Variants in SYNPR observed in about 807,000 individuals in gnomAD.
SYNPR encodes the protein synaptoporin.
A neutral mutation model predicts 32.9 loss-of-function variants in SYNPR; 23 were observed. That is an observed-to-expected ratio of 0.70 (90% CI 0.50 to 0.99). The LOEUF (loss-of-function observed/expected upper bound fraction) is 0.99. SYNPR is among the 50% of genes least tolerant of loss of function. The pLI is 0.00. For missense variants in SYNPR, 318 were observed against 349.3 expected, an observed-to-expected ratio of 0.91 and a Z score of 0.71; for synonymous variants, 146 against 135.9, an observed-to-expected ratio of 1.07 and a Z score of -0.52.
intron 2 of SYNPR, among the ~76,000 whole-genome samples, chr3:63,252,785 A>C (rs2086344672): frequency 6.6e-6 from 1 of 152,162 alleles, no homozygotes; most frequent in Admixed American, 6.5e-5. Context: ...TCATGCCTGT[A>C]ATCTTAGCAC....
intron 2 of SYNPR, 71 bp from the exon 3 acceptor site, chr3:63,480,761 C>T: frequency 6.4e-7 from 1 of 1,559,384 alleles, no homozygotes. Flanking sequence ...CATTAAGCTC[C>T]TTTTGATATA....
chr3:63,513,225 T>G (rs13066936), intron 3 of SYNPR, among the ~76,000 whole-genome samples: 32,333 of 147,568 alleles, frequency 0.22, 3,673 homozygotes, highest in Non-Finnish European at 0.25. Flanking sequence ...TTTTGTTTGT[T>G]TGTTTTATTG....
intron 2 of SYNPR, among the ~76,000 whole-genome samples, chr3:63,400,787 A>G (rs991119569): frequency 2.0e-5 from 3 of 152,236 alleles, no homozygotes; most frequent in African/African-American, 7.2e-5. Flanking sequence ...TAACTCATCA[A>G]ATTGAACAAA....
chr3:63,388,647 T>G (rs976972811), intron 2 of SYNPR, among the ~76,000 whole-genome samples: 2 of 151,350 alleles, frequency 1.3e-5, no homozygotes, highest in African/African-American at 4.9e-5. Context: ...GTCTTGATCT[T>G]CTGACTTCAT....
At chr3:63,314,564 T>G (rs1210623971) in intron 2 of SYNPR, among the ~76,000 whole-genome samples, 1 of 152,096 alleles carries the variant, frequency 6.6e-6, no homozygotes, top group East Asian at 1.9e-4. Context: ...GCCCACTTTT[T>G]GATGGGATTG....
At chr3:63,491,969 A>C (rs1357108677) in intron 3 of SYNPR, among the ~76,000 whole-genome samples, 1 of 152,128 alleles carries the variant, frequency 6.6e-6, no homozygotes, top group Non-Finnish European at 1.5e-5. Context: ...GAGGCACGAT[A>C]AGAGGAAGTG....
chr3:63,260,014 G>A (rs1424622833), intron 2 of SYNPR, among the ~76,000 whole-genome samples: 1 of 152,030 alleles, frequency 6.6e-6, no homozygotes, highest in Non-Finnish European at 1.5e-5. Context: ...AACTTACAAG[G>A]GACGCGAAGG....
At chr3:63,585,346 A>G (rs912068262) in intron 4 of SYNPR, among the ~76,000 whole-genome samples, 62 of 152,006 alleles carry the variant, frequency 4.1e-4, no homozygotes, top group Non-Finnish European at 7.5e-4. Flanking sequence ...TTTCTTTGGG[A>G]GGGATTGGAC....
intron 3 of SYNPR, among the ~76,000 whole-genome samples, chr3:63,500,090 T>G (rs1242592602): frequency 6.6e-6 from 1 of 152,150 alleles, no homozygotes. Flanking sequence ...ATAGATGGTA[T>G]TAAATAAGAC....
Position 63,278,324 on chromosome 3 carries a change from C to T in SYNPR, c.-210C>T, listed in dbSNP as rs144857424. 9.1e-4 allele frequency: 561 copies of T among 615,030 alleles called. 1 individual carries two copies. Among genetic ancestry groups the T allele is most frequent in the African/African-American group, 9.1e-3 (491 of 53,890 alleles). The allele number at this position is 615,030 out of a possible 1,614,324, so 38.1% of individuals were successfully genotyped here. On this transcript the variant is annotated 5_prime_UTR_variant, in exon 1 of 6. Coordinates refer to ENST00000478300, the MANE Select transcript of SYNPR (RefSeq NM_001130003.2). ...TCCCTGCCCACCCCTCGCTGACTCG[C>T]TTCGCTTCCCCGACGCGCTGGGTTC...
chr3:63,481,635 A>C (rs1701049126), intron 3 of SYNPR, among the ~76,000 whole-genome samples: 1 of 152,140 alleles, frequency 6.6e-6, no homozygotes, highest in Admixed American at 6.6e-5. Flanking sequence ...TACTCTCCTA[A>C]CTAACTAATA....
Position 63,452,054 on chromosome 3 carries a change from A to G in SYNPR, c.85-28778A>G, listed in dbSNP as rs570948325. 142 of 701,416 alleles carry G rather than the reference A, an allele frequency of 2.0e-4. 2 individuals carry two copies. Among genetic ancestry groups the G allele is most frequent in the African/African-American group, 1.9e-3 (110 of 57,140 alleles). 43.4% of individuals were successfully genotyped at this position (701,416 alleles called of 1,614,324 possible). A position where few individuals can be genotyped will look rare whatever the true frequency, so the allele number is the denominator to read the frequency against. The stretch of plus-strand genomic sequence containing the variant: ...GATATAATTTTTTTCTCTTTCTCCC[A>G]CTGCCTTCACACTCAAAGAAAGGGT... On this transcript the variant is annotated intron_variant, in intron 2 of 5. Coordinates refer to ENST00000478300, the MANE Select transcript of SYNPR (RefSeq NM_001130003.2).
chr3:63,255,481 G>A (rs1384797205), intron 2 of SYNPR, among the ~76,000 whole-genome samples: 1 of 152,180 alleles, frequency 6.6e-6, no homozygotes, highest in African/African-American at 2.4e-5. Context: ...AGGAAAAAAG[G>A]CTGAGTAATA....
At chr3:63,270,103 T>G (rs572478071) in intron 3 of SYNPR, among the ~76,000 whole-genome samples, 2 of 152,184 alleles carry the variant, frequency 1.3e-5, no homozygotes, top group Non-Finnish European at 2.9e-5. Flanking sequence ...ACAAAGCAGA[T>G]GCCATTTGAA....
At chr3:63,331,765 AGG>A (rs1022471885) in intron 2 of SYNPR, among the ~76,000 whole-genome samples, 4 of 152,212 alleles carry the variant, frequency 2.6e-5, no homozygotes, top group Non-Finnish European at 4.4e-5. Flanking sequence ...AAACTGAGAG[AGG>A]TTCAGAAACT....
At chr3:63,335,456 A>G (rs548265541) in intron 2 of SYNPR, among the ~76,000 whole-genome samples, 1 of 152,220 alleles carries the variant, frequency 6.6e-6, no homozygotes, top group South Asian at 2.1e-4. Flanking sequence ...ATCAGGGCCA[A>G]TTGAAGCCAC....
intron 1 of SYNPR, among the ~76,000 whole-genome samples, chr3:63,234,619 T>G (rs533353602): frequency 6.6e-6 from 1 of 152,200 alleles, no homozygotes; most frequent in Non-Finnish European, 1.5e-5. Flanking sequence ...AATTCTGGTG[T>G]GCTGCCCCTG....
chr3:63,313,345 T>C (rs1157337019), intron 2 of SYNPR, among the ~76,000 whole-genome samples: 1 of 151,698 alleles, frequency 6.6e-6, no homozygotes, highest in Non-Finnish European at 1.5e-5. Flanking sequence ...ACTGTTGTAG[T>C]CTTTTATCCC....
At chr3:63,215,171 A>G in the SYNPR span, among the ~76,000 whole-genome samples, 2 of 2,076 alleles carry the variant, frequency 9.6e-4, 1 homozygote, top group Non-Finnish European at 1.2e-3. Flanking sequence ...GTGCTGAAAA[A>G]AATGTATATT....
Sources: gnomAD v4.1 joint callset for allele counts (sites outside exome capture counted in the v4.1 genomes callset) on GRCh38, gnomAD v4.1.1 for gene constraint, MANE v1.5 for transcripts, NCBI Gene and HGNC (gene_info 2026-07-23, HGNC 2026-07-21) for gene names.